PHYKPL: variants seen among roughly 807,000 people sequenced by gnomAD.
PHYKPL encodes the protein 5-phosphohydroxy-L-lysine phospho-lyase.
In PHYKPL, 42 loss-of-function variants were observed where a neutral mutation model predicts 51.3. That is an observed-to-expected ratio of 0.82 (90% confidence interval 0.64 to 1.06). The LOEUF (loss-of-function observed/expected upper bound fraction) is 1.06. Ranked by LOEUF, PHYKPL falls within the 50% of genes least tolerant of loss-of-function variation. The probability of loss-of-function intolerance (pLI) is 0.00; values close to 1 mark genes in which losing one functional copy is unlikely to be tolerated. For missense variants in PHYKPL, 655 were observed against 586.6 expected, an observed-to-expected ratio of 1.12 and a Z score of -1.20; for synonymous variants, 264 against 236.0, an observed-to-expected ratio of 1.12 and a Z score of -1.09.
downstream of PHYKPL, chr5:178,207,270 G>A (rs1390559160): frequency 6.2e-7 from 1 of 1,609,638 alleles, no homozygotes; most frequent in Non-Finnish European, 8.5e-7. Flanking sequence ...CTGCTGGAGA[G>A]CTGGCCCTTA....
intron 8 of PHYKPL, among the ~76,000 whole-genome samples, chr5:178,219,707 C>T (rs923623191): frequency 6.6e-6 from 1 of 151,932 alleles, no homozygotes; most frequent in Non-Finnish European, 1.5e-5. Flanking sequence ...ACCTCGGCTT[C>T]CCAAAGTGCT....
At chr5:178,228,505 C>T in intron 3 of PHYKPL, 1 of 702,274 alleles carries the variant, frequency 1.4e-6, no homozygotes, top group East Asian at 2.7e-5. Flanking sequence ...GAAGCACCAG[C>T]TCCCTTCTCT....
In PHYKPL at chr5:178,208,649, T is replaced by A. The variant is rs1757248842; in HGVS notation, c.*298A>T. The A allele has an allele frequency of 1.3e-5, 2 of 152,286 alleles. No homozygotes were observed. Among genetic ancestry groups the A allele is most frequent in the Admixed American group, 1.3e-4 (2 of 15,292 alleles). The allele number at this position is 152,286 out of a possible 1,614,324, so 9.4% of individuals were successfully genotyped here. ...GATTTTCTTTAGAAATACACTGGTCTGGTCTAATTTATTTAAGCAGGAGCA... is the reference window on the plus strand; with the variant it reads ...GATTTTCTTTAGAAATACACTGGTCAGGTCTAATTTATTTAAGCAGGAGCA... On this transcript the variant is annotated 3_prime_UTR_variant, in exon 13 of 13. Transcript: ENST00000308158.
In PHYKPL at chr5:178,210,041, C is replaced by T. The variant is rs1186501181; in HGVS notation, c.*32-1126G>A. 15 of 1,549,706 alleles carry T rather than the reference C, an allele frequency of 9.7e-6. No homozygotes were observed. The East Asian group carries it at 1.8e-4, about 19-fold the overall frequency. ...GCTTCTGCCTGAGTTGCCACAGTAA[C>T]CCTGCCACCCCAAAGGGCAGGATTT... On this transcript the variant is annotated intron_variant, in intron 12 of 12. Transcript: ENST00000308158.
intron 12 of PHYKPL, chr5:178,210,404 T>C: frequency 1.3e-6 from 2 of 1,556,780 alleles, no homozygotes; most frequent in Admixed American, 3.8e-5. Context: ...CTACTTGATT[T>C]TGAGCCTTAG....
intron 8 of PHYKPL, 135 bp from the exon 9 acceptor site, chr5:178,215,565 G>A (rs1463464339): frequency 1.0e-5 from 11 of 1,067,982 alleles, no homozygotes; most frequent in South Asian, 3.3e-5. Flanking sequence ...CCCTTAGGGC[G>A]CACAGTCCTC....
intron 8 of PHYKPL, among the ~76,000 whole-genome samples, chr5:178,218,233 A>G (rs1380569479): frequency 2.0e-5 from 3 of 150,350 alleles, no homozygotes; most frequent in Non-Finnish European, 1.5e-5. Context: ...AAAAAAAAAA[A>G]AAAAAGAAAG....
In PHYKPL at chr5:178,212,964, C is replaced by T; in HGVS notation, c.1303+9G>A. On this transcript the variant is annotated intron_variant, in intron 11 of 12. Transcript: ENST00000308158. ...TAGAGATATGGCCAAGCTCAGGCTT[C>T]AAGCTCACCAGTCAGAATGGCATCC... 1 of 1,613,856 alleles carries T rather than the reference C, an allele frequency of 6.2e-7. No homozygotes were observed. The highest frequency in any genetic ancestry group is 8.5e-7 in the Non-Finnish European group (1 of 1,179,842).
At chr5:178,229,547 G>A (rs1457457126) in intron 3 of PHYKPL, among the ~76,000 whole-genome samples, 1 of 152,070 alleles carries the variant, frequency 6.6e-6, no homozygotes, top group Non-Finnish European at 1.5e-5. Context: ...CTTTTTCTAG[G>A]CCTCATGATA....
chr5:178,215,004 G>A, intron 9 of PHYKPL, 119 bp from the exon 10 acceptor site: 1 of 923,556 alleles, frequency 1.1e-6, no homozygotes, highest in Non-Finnish European at 1.7e-6. Context: ...GGCACCTTCA[G>A]AAGGTGGTGA....
rs141523394 is a variant in PHYKPL at position 178,213,033 on chromosome 5, T to C, written c.1243A>G (p.Met415Val). 1,923 of 1,614,188 alleles carry C rather than the reference T, an allele frequency of 1.2e-3. 3 individuals are homozygous for C. The highest frequency in any genetic ancestry group is 1.4e-3 in the Non-Finnish European group (1,685 of 1,180,004). ...GRNILKFKPP[M>V]CFSLDNARQV... ...CGTGCATTGTCCAGGCTGAAGCACA[T>C]TGGGGGCTTAAACTTCAGGATGTTC... is the stretch of plus-strand genomic sequence containing the variant. The change falls in exon 11 of 13, where the codon ATG becomes GTG. Residue 415 changes from methionine to valine, a missense_variant. Transcript: ENST00000308158.
At chr5:178,224,758 G>A (rs1215725655) in intron 4 of PHYKPL, 29 bp from the exon 5 acceptor site, 1 of 1,574,184 alleles carries the variant, frequency 6.4e-7, no homozygotes, top group Non-Finnish European at 8.7e-7. Context: ...GGTAGGCTCG[G>A]GTCCGGGCAG....
chr5:178,224,921 C>T, intron 4 of PHYKPL, 192 bp from the exon 5 acceptor site: 2 of 579,606 alleles, frequency 3.5e-6, no homozygotes, highest in Non-Finnish European at 3.1e-6. Context: ...TGCTGACTGG[C>T]TATGTGACAG....
intron 8 of PHYKPL, among the ~76,000 whole-genome samples, chr5:178,219,164 A>G (rs1449657859): frequency 6.6e-6 from 1 of 152,260 alleles, no homozygotes; most frequent in Non-Finnish European, 1.5e-5. Flanking sequence ...CTTAAACAAT[A>G]TATGAAAAAC....
chr5:178,231,633 A>G, intron 1 of PHYKPL, 110 bp from the exon 2 acceptor site: 4 of 1,605,856 alleles, frequency 2.5e-6, no homozygotes, highest in Non-Finnish European at 1.7e-6. Context: ...GCGGGGGGGA[A>G]ATGAGAGCTG....
intron 8 of PHYKPL, among the ~76,000 whole-genome samples, chr5:178,219,075 T>C (rs1342104593): frequency 1.3e-5 from 2 of 152,200 alleles, no homozygotes; most frequent in South Asian, 2.1e-4. Flanking sequence ...TAAGGACCTA[T>C]ATGTCAAAAC....
rs560530726 is a variant in PHYKPL, at chr5:178,232,354, G to A, written c.59+138C>T. 1.8e-4 allele frequency: 228 copies of A among 1,286,184 alleles called. 1 individual carries two copies. In the African/African-American group the frequency reaches 3.1e-3, roughly 17 times the overall value. The allele number at this position is 1,286,184 out of a possible 1,614,324, so 79.7% of individuals were successfully genotyped here. A position where few individuals can be genotyped will look rare whatever the true frequency, so the allele number is the denominator to read the frequency against. ...GCCCTAGAAGCTCCAGCGGGGCCGG[G>A]GCAGCGGCCGGACGGGATGGGTAGC... On this transcript the variant is annotated intron_variant, in intron 1 of 12. Coordinates refer to ENST00000308158, the MANE Select transcript of PHYKPL (RefSeq NM_153373.4).
In PHYKPL at chr5:178,232,566, G is replaced by A; in HGVS notation, c.-16C>T. ...CTGCGGCCATGGTGGGTGGCCGTCAGTCGGTGCCGTGACGCCACGCGGAGA... is the reference window on the plus strand; with the variant it reads ...CTGCGGCCATGGTGGGTGGCCGTCAATCGGTGCCGTGACGCCACGCGGAGA... On this transcript the variant is annotated 5_prime_UTR_variant, in exon 1 of 13. Transcript: ENST00000308158. 1 of 1,270,390 alleles carries A rather than the reference G, an allele frequency of 7.9e-7. No homozygotes were observed. Among genetic ancestry groups the A allele is most frequent in the Non-Finnish European group, 9.9e-7 (1 of 1,011,040 alleles). 78.7% of individuals were successfully genotyped at this position (1,270,390 alleles called of 1,614,324 possible).
chr5:178,210,763 AATC>A lies in PHYKPL; in HGVS notation c.*31+1124_*31+1126del, dbSNP rs530965685. On this transcript the variant is annotated intron_variant, in intron 12 of 12. Coordinates refer to ENST00000308158, the MANE Select transcript of PHYKPL (RefSeq NM_153373.4). ...TCTTATTTAAAATTTCCCCCATGGAAATCACTCTCCTGTTGACTATTTCCAGAG... is the reference window on the plus strand; with the variant it reads ...TCTTATTTAAAATTTCCCCCATGGAAACTCTCCTGTTGACTATTTCCAGAG... 2,825 of 695,652 alleles carry A rather than the reference AATC, an allele frequency of 4.1e-3. 11 individuals carry two copies. The highest frequency in any genetic ancestry group is 9.6e-3 in the Middle Eastern group (25 of 2,608). The allele number at this position is 695,652 out of a possible 1,614,324, so 43.1% of individuals were successfully genotyped here.
Sources: gnomAD v4.1 joint callset for allele counts (sites outside exome capture counted in the v4.1 genomes callset) on GRCh38, gnomAD v4.1.1 for gene constraint, MANE v1.5 for transcripts, NCBI Gene and HGNC (gene_info 2026-07-23, HGNC 2026-07-21) for gene names.